The following RTL4 variants were observed in gnomAD, a reference collection of about 807,000 sequenced individuals.
RTL4 encodes retrotransposon Gag-like protein 4.
In RTL4, 4 loss-of-function variants were observed where a neutral mutation model predicts 5.3. That is an observed-to-expected ratio of 0.75 (90% CI 0.37 to 1.72). The LOEUF is 1.72. Ranked by LOEUF, RTL4 falls within the 40% of genes most tolerant of loss-of-function variation. The probability of loss-of-function intolerance (pLI) is 0.04; values close to 1 mark genes in which losing one functional copy is unlikely to be tolerated. For missense variants in RTL4, 260 were observed against 227.1 expected, an observed-to-expected ratio of 1.14 and a Z score of -0.93; for synonymous variants, 98 against 87.3, an observed-to-expected ratio of 1.12 and a Z score of -0.68.
the RTL4 span, among the ~76,000 whole-genome samples, chrX:112,337,450 A>AT: frequency 9.1e-6 from 1 of 109,801 alleles, no homozygotes; most frequent in Admixed American, 9.7e-5. Context: ...TGCCCAGCTA[A>AT]TTTTTGTATT....
the RTL4 span, among the ~76,000 whole-genome samples, chrX:112,197,561 T>C: frequency 8.9e-6 from 1 of 111,793 alleles, no homozygotes; most frequent in East Asian, 2.8e-4. Context: ...TAAAAGTCTT[T>C]TCTCTTGCTA....
chrX:112,220,811 C>G, the RTL4 span, among the ~76,000 whole-genome samples: 2 of 111,795 alleles, frequency 1.8e-5, no homozygotes, highest in African/African-American at 6.5e-5. Context: ...CATCTGAGAT[C>G]GCCTCAGCCT....
At chrX:112,356,719 A>G in the RTL4 span, among the ~76,000 whole-genome samples, 1 of 110,647 alleles carries the variant, frequency 9.0e-6, no homozygotes, top group Admixed American at 9.7e-5. Context: ...TTATCTTGTA[A>G]GTAACTTTGC....
At chrX:112,367,468 A>C in the RTL4 span, among the ~76,000 whole-genome samples, 7 of 112,102 alleles carry the variant, frequency 6.2e-5, no homozygotes, top group Middle Eastern at 4.6e-3. Flanking sequence ...CAGGAAAAAA[A>C]CCACTAAATT....
At chrX:112,402,330 C>A in the RTL4 span, among the ~76,000 whole-genome samples, 1 of 108,762 alleles carries the variant, frequency 9.2e-6, no homozygotes, top group Admixed American at 1.0e-4. Flanking sequence ...TGGTGTTTAT[C>A]AATAAATCCT....
chrX:112,195,704 C>G, the RTL4 span, among the ~76,000 whole-genome samples: 3 of 111,173 alleles, frequency 2.7e-5, no homozygotes, highest in African/African-American at 9.8e-5. Flanking sequence ...AGAAATTGCC[C>G]CACAGTAACT....
chrX:112,351,548 C>T, the RTL4 span, among the ~76,000 whole-genome samples: 1 of 106,986 alleles, frequency 9.3e-6, no homozygotes, highest in Non-Finnish European at 1.9e-5. Flanking sequence ...AATCTGGGTG[C>T]TCCTGTATTG....
chrX:112,300,974 G>A, the RTL4 span, among the ~76,000 whole-genome samples: 1 of 111,452 alleles, frequency 9.0e-6, no homozygotes, highest in Non-Finnish European at 1.9e-5. Context: ...AGTGCTGAGG[G>A]GGACTGAGCC....
the RTL4 span, among the ~76,000 whole-genome samples, chrX:112,124,677 G>C: frequency 0.16 from 17,487 of 107,644 alleles, 2,155 homozygotes; most frequent in African/African-American, 0.43. Context: ...CGGTTGTTGG[G>C]GGGGAGGGGA....
chrX:112,087,513 C>T, the RTL4 span, among the ~76,000 whole-genome samples: 1 of 110,838 alleles, frequency 9.0e-6, no homozygotes, highest in Admixed American at 9.6e-5. Context: ...CAAGAAATTT[C>T]AGCATTTCTC....
exon 1 of RTL4, chrX:112,455,417 C>T (rs1488455906): frequency 1.7e-6 from 2 of 1,209,075 alleles, no homozygotes; most frequent in African/African-American, 3.5e-5. Flanking sequence ...CAGTCAGAGA[C>T]CCAGCTCCCA....
At chrX:112,141,222 C>T in the RTL4 span, among the ~76,000 whole-genome samples, 1 of 111,434 alleles carries the variant, frequency 9.0e-6, no homozygotes, top group African/African-American at 3.3e-5. Flanking sequence ...TATGATTGTT[C>T]ATTGCTAATC....
the RTL4 span, among the ~76,000 whole-genome samples, chrX:112,293,503 T>C: frequency 8.9e-6 from 1 of 112,066 alleles, no homozygotes; most frequent in African/African-American, 3.2e-5. Flanking sequence ...GCTGAAAACT[T>C]CGATAGTCTT....
At chrX:112,416,434 T>C in the RTL4 span, among the ~76,000 whole-genome samples, 2 of 112,238 alleles carry the variant, frequency 1.8e-5, no homozygotes, top group Non-Finnish European at 3.8e-5. Context: ...GTGGTTTTCA[T>C]TACCTAGAGC....
the RTL4 span, among the ~76,000 whole-genome samples, chrX:112,184,471 A>G: frequency 8.9e-6 from 1 of 112,675 alleles, no homozygotes; most frequent in Non-Finnish European, 1.9e-5. Context: ...ATAAAGTACA[A>G]AGATTTTAAT....
chrX:112,236,452 GATATAGATCTAT>G, the RTL4 span, among the ~76,000 whole-genome samples: 1 of 76,893 alleles, frequency 1.3e-5, no homozygotes, highest in East Asian at 4.4e-4. Flanking sequence ...TCTATATATA[GATATAGATCTAT>G]ATCTATATAT....
At chrX:112,162,773 A>G in the RTL4 span, among the ~76,000 whole-genome samples, 1 of 111,694 alleles carries the variant, frequency 9.0e-6, no homozygotes, top group Non-Finnish European at 1.9e-5. Context: ...TAGTTTATTC[A>G]GGTATTCCTA....
the RTL4 span, among the ~76,000 whole-genome samples, chrX:112,424,661 G>A: frequency 9.0e-6 from 1 of 111,093 alleles, no homozygotes; most frequent in Non-Finnish European, 1.9e-5. Context: ...AAAGGCTTTC[G>A]ATTGCCTGGA....
At chrX:112,389,051 C>CT in the RTL4 span, among the ~76,000 whole-genome samples, 4 of 109,347 alleles carry the variant, frequency 3.7e-5, no homozygotes, top group African/African-American at 3.3e-5. Context: ...GGTCCTGGGC[C>CT]TTTTTTTTCC....
Sources: allele counts gnomAD v4.1 joint callset (sites outside exome capture counted in the v4.1 genomes callset), GRCh38; gene constraint gnomAD v4.1.1; transcripts MANE v1.5; gene names NCBI Gene and HGNC (gene_info 2026-07-23, HGNC 2026-07-21).